RIN2: variants seen among roughly 807,000 people sequenced by gnomAD.
RIN2 encodes the protein Ras and Rab interactor 2.
RIN2 carries 36 observed loss-of-function variants against 78.0 expected under a neutral mutation model. That is an observed-to-expected ratio of 0.46 (90% confidence interval 0.35 to 0.61). The LOEUF is 0.61. Ranked by LOEUF, RIN2 falls within the 20% of genes least tolerant of loss-of-function variation. The pLI is 0.00. For missense variants in RIN2, 1,087 were observed against 1,159.7 expected, an observed-to-expected ratio of 0.94 and a Z score of 0.91; for synonymous variants, 466 against 466.8, an observed-to-expected ratio of 1.00 and a Z score of 0.02.
Position 19,934,770 on chromosome 20 carries a change from G to A in RIN2, c.58-329G>A, listed in dbSNP as rs902372637. 12 of 224,960 alleles carry A rather than the reference G, an allele frequency of 5.3e-5. No homozygotes were observed. In the East Asian group the frequency reaches 5.5e-4, roughly 10 times the overall value. 13.9% of individuals were successfully genotyped at this position (224,960 alleles called of 1,614,324 possible). The stretch of plus-strand genomic sequence containing the variant: ...GTTTTGCCAGGATGTATTTATTCCC[G>A]TCTATATTCATGTTGAGAAAGCTAA... On this transcript the variant is annotated intron_variant, in intron 3 of 12. Transcript: ENST00000255006.
At chr20:19,777,592 G>A (rs779268282) in intron 1 of RIN2, among the ~76,000 whole-genome samples, 11 of 152,206 alleles carry the variant, frequency 7.2e-5, no homozygotes, top group Non-Finnish European at 1.0e-4. Flanking sequence ...TCAAGTAAAC[G>A]GGGGCTCTCT....
intron 1 of RIN2, among the ~76,000 whole-genome samples, chr20:19,799,412 T>C (rs2035172156): frequency 6.6e-6 from 1 of 152,128 alleles, no homozygotes; most frequent in East Asian, 1.9e-4. Context: ...GGCACAGGGA[T>C]TTAGAGGGCA....
At chr20:19,910,942 A>T (rs1018941621) in intron 3 of RIN2, among the ~76,000 whole-genome samples, 2 of 152,184 alleles carry the variant, frequency 1.3e-5, no homozygotes, top group Non-Finnish European at 2.9e-5. Context: ...ACGCTTATAT[A>T]TCCATTACCT....
intron 4 of RIN2, among the ~76,000 whole-genome samples, chr20:19,947,843 A>G (rs1568646800): frequency 6.6e-6 from 1 of 152,240 alleles, no homozygotes; most frequent in Non-Finnish European, 1.5e-5. Flanking sequence ...CAGTCCTTGT[A>G]GATTCCACCA....
intron 2 of RIN2, chr20:19,823,332 G>A (rs181690687): frequency 2.0e-5 from 12 of 596,158 alleles, no homozygotes; most frequent in African/African-American, 1.3e-4. Context: ...CTCTTTCGTG[G>A]CTGTTTGTCA....
chr20:19,958,653 G>A (rs193196301), intron 5 of RIN2, among the ~76,000 whole-genome samples: 401 of 152,364 alleles, frequency 2.6e-3, no homozygotes, highest in Non-Finnish European at 4.2e-3. Context: ...CAGATCACTT[G>A]AGATCAGGAG....
chr20:19,805,533 C>T (rs1161539614), intron 2 of RIN2, among the ~76,000 whole-genome samples: 1 of 152,090 alleles, frequency 6.6e-6, no homozygotes, highest in Non-Finnish European at 1.5e-5. Flanking sequence ...TCCCAGGTAG[C>T]TGGGATTACA....
intron 2 of RIN2, among the ~76,000 whole-genome samples, chr20:19,861,502 T>A (rs2037332829): frequency 6.6e-6 from 1 of 152,128 alleles, no homozygotes; most frequent in Non-Finnish European, 1.5e-5. Flanking sequence ...GCCCTCGATA[T>A]CTGATCACCC....
chr20:19,886,612 CTTTTT>C (rs11362637), intron 2 of RIN2: 1,731 of 517,238 alleles, frequency 3.3e-3, no homozygotes, highest in South Asian at 3.8e-3. Flanking sequence ...TCTTCTTCTT[CTTTTT>C]TTTTTTTTTT....
chr20:19,953,343 GC>G (rs751301801), intron 4 of RIN2, among the ~76,000 whole-genome samples: 2 of 152,040 alleles, frequency 1.3e-5, no homozygotes, highest in African/African-American at 2.4e-5. Flanking sequence ...TGTTGACCAG[GC>G]TGGTCTTGAA....
intron 12 of RIN2, among the ~76,000 whole-genome samples, chr20:19,998,081 C>T (rs976226501): frequency 6.6e-6 from 1 of 151,468 alleles, no homozygotes; most frequent in Non-Finnish European, 1.5e-5. Context: ...CAGGTTCAAA[C>T]GATTCTCCTG....
chr20:19,863,437 T>A (rs1172485897), intron 2 of RIN2, among the ~76,000 whole-genome samples: 2 of 152,164 alleles, frequency 1.3e-5, no homozygotes, highest in Admixed American at 6.5e-5. Flanking sequence ...GGGGAGTTAA[T>A]GTCCCCACAA....
At position 19,844,669 on chromosome 20, in the gene RIN2, C is replaced by CCTCTT. The variant is rs1568807647; in HGVS notation, c.-36-44895_-36-44894insCTTCT. 5.0e-4 allele frequency among the ~76,000 whole-genome samples: 38 copies of CCTCTT among 76,248 alleles called. 1 individual carries two copies. Among genetic ancestry groups the CCTCTT allele is most frequent in the African/African-American group, 2.2e-3 (36 of 16,096 alleles). The allele number at this position is 76,248 out of a possible 152,430, so 50.0% of individuals were successfully genotyped here. A position where few individuals can be genotyped will look rare whatever the true frequency, so the allele number is the denominator to read the frequency against. ...TCTTCTTCTTCTTCTTCTTCTTCTTCCTTCTTCTTCTTCTTCCTCTTCCTC... is the reference window on the plus strand; with the variant it reads ...TCTTCTTCTTCTTCTTCTTCTTCTTCCTCTTCTTCTTCTTCTTCTTCCTCTTCCTC... On this transcript the variant is annotated intron_variant, in intron 2 of 12. Transcript: ENST00000255006.
At chr20:19,773,197 G>A (rs933693739) in intron 1 of RIN2, among the ~76,000 whole-genome samples, 2 of 152,088 alleles carry the variant, frequency 1.3e-5, no homozygotes, top group Non-Finnish European at 2.9e-5. Flanking sequence ...TCCTCACATC[G>A]TCCTCCAGGT....
chr20:19,941,033 G>A (rs927640218), intron 4 of RIN2, among the ~76,000 whole-genome samples: 2 of 152,168 alleles, frequency 1.3e-5, no homozygotes, highest in Non-Finnish European at 2.9e-5. Context: ...CTTCGCTGGT[G>A]TCCTCTAGCC....
chr20:19,939,872 A>G (rs907458941), intron 4 of RIN2, among the ~76,000 whole-genome samples: 2 of 150,320 alleles, frequency 1.3e-5, no homozygotes, highest in African/African-American at 4.9e-5. Flanking sequence ...TTTCTTGGAA[A>G]CAGACTTCCA....
rs1349422013 is a variant in RIN2, at chr20:19,956,697, T to G, written c.241T>G (p.Ser81Ala). Residue 81 changes from serine (S) to alanine (A), a missense_variant, in exon 5 of 13, where the codon TCC (serine) becomes GCC (alanine). Ser to Ala is a moderately conservative substitution (Grantham distance 99). Transcript: ENST00000255006. ...CCGGGACTCAGGCTATGACAGCCTC[T>G]CCAACAGGCTCAGCATCTTGGACCG... ...CARDSGYDSL[S>A]NRLSILDRLL... 3 of 1,612,390 alleles carry G rather than the reference T, an allele frequency of 1.9e-6. No individual in the cohort carries two copies. In the African/African-American group the frequency reaches 4.0e-5, roughly 22 times the overall value.
At chr20:19,797,983 C>T (rs2035114470) in intron 1 of RIN2, among the ~76,000 whole-genome samples, 1 of 151,294 alleles carries the variant, frequency 6.6e-6, no homozygotes, top group Non-Finnish European at 1.5e-5. Context: ...TCCTGAGTAG[C>T]TGGGACTACA....
At chr20:19,772,549 C>T (rs1433051923) in intron 1 of RIN2, among the ~76,000 whole-genome samples, 1 of 152,188 alleles carries the variant, frequency 6.6e-6, no homozygotes, top group Non-Finnish European at 1.5e-5. Flanking sequence ...TGGAACCATG[C>T]TGATCTTGGG....
Sources: gnomAD v4.1 joint callset for allele counts (sites outside exome capture counted in the v4.1 genomes callset) on GRCh38, gnomAD v4.1.1 for gene constraint, MANE v1.5 for transcripts, NCBI Gene and HGNC (gene_info 2026-07-23, HGNC 2026-07-21) for gene names.